PNPLA6: variants seen among roughly 807,000 people sequenced by gnomAD.
The protein encoded by PNPLA6 is patatin-like phospholipase domain-containing protein 6.
In PNPLA6, 105 loss-of-function variants were observed where a neutral mutation model predicts 153.7. That is an observed-to-expected ratio of 0.68 (90% confidence interval 0.58 to 0.80). PNPLA6 has a LOEUF of 0.80. Ranked by LOEUF, PNPLA6 falls within the 30% of genes least tolerant of loss-of-function variation. The pLI is 0.00. For missense variants in PNPLA6, 1,423 were observed against 1,919.3 expected, an observed-to-expected ratio of 0.74 and a Z score of 4.83; for synonymous variants, 825 against 822.2, an observed-to-expected ratio of 1.00 and a Z score of -0.06.
chr19:7,558,705 A>G (rs767934820), intron 27 of PNPLA6, 145 bp from the exon 28 acceptor site: 5 of 656,750 alleles, frequency 7.6e-6, no homozygotes, highest in Non-Finnish European at 1.3e-5. Flanking sequence ...ACGTCTGTGC[A>G]TGACAGCATG....
chr19:7,560,661 A>G lies in PNPLA6; in HGVS notation c.3713A>G (p.Gln1238Arg). The G allele has an allele frequency of 6.2e-7, 1 of 1,612,458 alleles. No individual in the cohort carries two copies. The highest frequency in any genetic ancestry group is 8.5e-7 in the Non-Finnish European group (1 of 1,178,502). Residue 1238 changes from glutamine (Q) to arginine (R), a missense_variant, in exon 29 of 32, where the codon CAG (glutamine) becomes CGG (arginine). By Grantham distance (43) the Gln-to-Arg change is conservative. Coordinates refer to ENST00000600737, the MANE Select transcript of PNPLA6 (RefSeq NM_001166114.2). ...KFDQIYDVGY[Q>R]YGKAVFGGWS... Reference sequence around the variant, plus strand: ...CATTTCCCACAGGATGTGGGCTACCAGTACGGGAAGGCGGTGTTTGGAGGC... The same window carrying G: ...CATTTCCCACAGGATGTGGGCTACCGGTACGGGAAGGCGGTGTTTGGAGGC...
intron 31 of PNPLA6, 28 bp from the exon 32 acceptor site, chr19:7,561,460 G>T: frequency 7.6e-6 from 12 of 1,583,656 alleles, no homozygotes; most frequent in Non-Finnish European, 9.5e-6. Context: ...CCCGTGCTGG[G>T]TGACGTGTGT....
rs550795683 is a variant in PNPLA6 at position 7,535,977 on chromosome 19, G to C, written c.189G>C (p.Thr63=). The change falls in exon 1 of 32, where the codon ACG becomes ACC. Residue 63 remains threonine, a synonymous_variant. Coordinates refer to ENST00000600737, the MANE Select transcript of PNPLA6 (RefSeq NM_001166114.2). The surrounding 1 kb of genome is among the most constrained non-coding windows in gnomAD (Gnocchi z 5.0). ...MIGAGVAVVV[T]AVLILLVVRR... is the part of the protein sequence containing the mutation. ...GGGCCGGAGTGGCGGTGGTGGTCAC[G>C]GCCGTGCTCATCCTCCTGGTGGTGC... is the stretch of plus-strand genomic sequence containing the variant. 2.9e-5 allele frequency: 46 copies of C among 1,581,042 alleles called. No homozygotes were observed. The highest frequency in any genetic ancestry group is 3.4e-5 in the Non-Finnish European group (40 of 1,165,836).
intron 28 of PNPLA6, 122 bp from the exon 29 acceptor site, chr19:7,560,525 GT>G: frequency 1.3e-6 from 1 of 749,552 alleles, no homozygotes; most frequent in Non-Finnish European, 2.4e-6. Context: ...TCTGAAATAG[GT>G]TTAGTCTCAA....
Position 7,542,071 on chromosome 19 carries a change from T to TG in PNPLA6, c.1252+6dup, listed in dbSNP as rs778128264. Reference sequence around the variant, plus strand: ...TCCATGCCAGGGGACATCTCAGGTTTGGAGCACTGGGTCTGCGGGGAGGGC... The same window carrying TG: ...TCCATGCCAGGGGACATCTCAGGTTTGGGAGCACTGGGTCTGCGGGGAGGGC... On this transcript the variant is annotated splice_donor_region_variant and intron_variant, in intron 10 of 31. Coordinates refer to ENST00000600737, the MANE Select transcript of PNPLA6 (RefSeq NM_001166114.2). 8.1e-6 allele frequency: 13 copies of TG among 1,604,332 alleles called. No homozygotes were observed. In the South Asian group the frequency reaches 1.1e-4, roughly 14 times the overall value.
chr19:7,559,413 A>G (rs1009774708), intron 28 of PNPLA6, among the ~76,000 whole-genome samples: 1 of 152,214 alleles, frequency 6.6e-6, no homozygotes, highest in African/African-American at 2.4e-5. Flanking sequence ...TTCTACTGCC[A>G]TTTCTGCATT....
At chr19:7,558,808 G>T (rs896881462) in intron 27 of PNPLA6, 42 bp from the exon 28 acceptor site, 2 of 1,509,228 alleles carry the variant, frequency 1.3e-6, no homozygotes, top group Non-Finnish European at 1.8e-6. Flanking sequence ...TCTGCCCCGG[G>T]CCCCCGAGGG....
chr19:7,539,181 A>G (rs1254047571), intron 3 of PNPLA6, among the ~76,000 whole-genome samples: 1 of 152,232 alleles, frequency 6.6e-6, no homozygotes, highest in Non-Finnish European at 1.5e-5. Context: ...TTTATTTACC[A>G]AAATAAATGT....
Position 7,541,733 on chromosome 19 carries a change from G to A in PNPLA6, c.1168+49G>A, listed in dbSNP as rs2023153144. On this transcript the variant is annotated intron_variant, in intron 9 of 31. Coordinates refer to ENST00000600737, the MANE Select transcript of PNPLA6 (RefSeq NM_001166114.2). This position sits in a 1 kb window ranked among gnomAD's most constrained non-coding sequence, Gnocchi z 5.2. ...CGAGCCCAATCTCCCAGGAAGCCCC[G>A]TCTCAGCCGCCAGCCCCTTTTTCAG... is the stretch of plus-strand genomic sequence containing the variant. 2.0e-6 allele frequency: 3 copies of A among 1,534,332 alleles called. No homozygotes were observed. Among genetic ancestry groups the A allele is most frequent in the Non-Finnish European group, 2.6e-6 (3 of 1,140,574 alleles).
At chr19:7,543,930 C>T (rs914706545) in intron 13 of PNPLA6, among the ~76,000 whole-genome samples, 1 of 151,568 alleles carries the variant, frequency 6.6e-6, no homozygotes, top group Non-Finnish European at 1.5e-5. Flanking sequence ...TCTCCTGCCT[C>T]AGCCTCCCGA....
chr19:7,557,397 C>T, intron 27 of PNPLA6, 113 bp downstream of exon 27: 1 of 738,158 alleles, frequency 1.4e-6, no homozygotes, highest in South Asian at 1.4e-5. Flanking sequence ...CCAAGCTGCC[C>T]ATGCAGGGGT....
intron 28 of PNPLA6, 103 bp downstream of exon 28, chr19:7,559,254 A>G: frequency 1.0e-6 from 1 of 969,556 alleles, no homozygotes; most frequent in Admixed American, 1.8e-5. Context: ...GGAGGAATCC[A>G]GGAATCCCAT....
At chr19:7,561,460 G>A (rs973665673) in intron 31 of PNPLA6, 28 bp from the exon 32 acceptor site, 3 of 1,583,538 alleles carry the variant, frequency 1.9e-6, no homozygotes, top group Non-Finnish European at 2.6e-6. Context: ...CCCGTGCTGG[G>A]TGACGTGTGT....
chr19:7,550,222 C>T, intron 14 of PNPLA6, 76 bp from the exon 15 acceptor site: 1 of 1,611,074 alleles, frequency 6.2e-7, no homozygotes, highest in Non-Finnish European at 8.5e-7. Context: ...GAAGGGAGCC[C>T]CCAGATCTGG....
intron 13 of PNPLA6, among the ~76,000 whole-genome samples, chr19:7,547,813 T>TAAAA (rs2023450345): frequency 2.2e-4 from 1 of 4,640 alleles, no homozygotes; most frequent in East Asian, 1.5e-3. Flanking sequence ...AATTAAAAAT[T>TAAAA]TTTTTTTTTT....
In PNPLA6 at chr19:7,536,448, G is replaced by A. The variant is rs370371564; in HGVS notation, c.316-1G>A. The A allele has an allele frequency of 6.2e-7, 1 of 1,608,906 alleles. No homozygotes were observed. The highest frequency in any genetic ancestry group is 1.3e-5 in the African/African-American group (1 of 74,914). On this transcript the variant is annotated splice_acceptor_variant, in intron 2 of 31. Transcript: ENST00000600737. LOFTEE classifies it high-confidence loss of function. ...ACCCATCTCCGCCTTCATTCTCCCA[G>A]GTGTCACAATCCACCTCCTCCCTCG...
intron 20 of PNPLA6, 58 bp from the exon 21 acceptor site, chr19:7,554,497 G>C: frequency 6.3e-7 from 1 of 1,589,032 alleles, no homozygotes; most frequent in South Asian, 1.1e-5. Flanking sequence ...ATGTGGTCTC[G>C]GGGAGCACAC....
intron 29 of PNPLA6, 79 bp downstream of exon 29, chr19:7,560,843 C>A: frequency 1.0e-6 from 1 of 989,258 alleles, no homozygotes; most frequent in Non-Finnish European, 1.6e-6. Flanking sequence ...TCCCCGAAAC[C>A]TCAGATGACC....
At position 7,536,130 on chromosome 19, in the gene PNPLA6, A is replaced by T. The variant is rs1175555837; in HGVS notation, c.233-61A>T. ...TGCTGGCGTCTGTTCGCGGTACCCC[A>T]GCTCTGGCAGGGTGGAGTCTGCACA... On this transcript the variant is annotated intron_variant, in intron 1 of 31. Coordinates refer to ENST00000600737, the MANE Select transcript of PNPLA6 (RefSeq NM_001166114.2). 6 of 1,528,038 alleles carry T rather than the reference A, an allele frequency of 3.9e-6. No homozygotes were observed. In the African/African-American group the frequency reaches 8.2e-5, roughly 21 times the overall value. The allele number at this position is 1,528,038 out of a possible 1,614,324, so 94.7% of individuals were successfully genotyped here. A position where few individuals can be genotyped will look rare whatever the true frequency, so the allele number is the denominator to read the frequency against.
Sources: gnomAD v4.1 joint callset for allele counts (sites outside exome capture counted in the v4.1 genomes callset) on GRCh38, gnomAD v4.1.1 for gene constraint, Gnocchi (gnomAD v3.1) non-coding constraint, MANE v1.5 for transcripts, NCBI Gene and HGNC (gene_info 2026-07-23, HGNC 2026-07-21) for gene names.